The following EPG5 variants were observed in gnomAD, a reference collection of about 807,000 sequenced individuals.
EPG5 encodes ectopic P-granules 5 autophagy tethering factor, also known as ectopic P granules protein 5 homolog.
A neutral mutation model predicts 302.7 loss-of-function variants in EPG5; 159 were observed. The ratio of observed to expected loss-of-function variants is 0.53; its 90% confidence interval spans 0.46 to 0.60. The LOEUF is 0.60. Among genes scored for constraint, EPG5 ranks in the 20% least tolerant of loss-of-function variants. The probability of loss-of-function intolerance (pLI) is 0.00; values close to 1 mark genes in which losing one functional copy is unlikely to be tolerated. For synonymous variants in EPG5, 1,158 were observed against 1,136.8 expected (o/e 1.02, Z -0.37); for missense variants, 2,896 against 3,092.4 (o/e 0.94, Z 1.51).
chr18:45,942,473 C>T (rs1040820481), intron 9 of EPG5, among the ~76,000 whole-genome samples: 1 of 151,738 alleles, frequency 6.6e-6, no homozygotes, highest in African/African-American at 2.4e-5. Flanking sequence ...TGTGGTGGTG[C>T]GCACCTGTAA....
chr18:45,949,697 CA>C (rs1314307957), intron 4 of EPG5, 106 bp from the exon 5 acceptor site: 1 of 635,398 alleles, frequency 1.6e-6, no homozygotes, highest in Non-Finnish European at 2.7e-6. Flanking sequence ...TGCAATCTTT[CA>C]AAAGAGTAAC....
chr18:45,857,073 C>A (rs2145185350), intron 42 of EPG5, among the ~76,000 whole-genome samples: 1 of 152,014 alleles, frequency 6.6e-6, no homozygotes, highest in African/African-American at 2.4e-5. Context: ...TGCTTGCCAC[C>A]ACACCCAGCT....
At chr18:45,847,042 T>C (rs2145107950), downstream of EPG5, among the ~76,000 whole-genome samples, 1 of 152,272 alleles carries the variant, frequency 6.6e-6, no homozygotes, top group African/African-American at 2.4e-5. Context: ...TGTGGTTCCA[T>C]CTGGTTTAAA....
Position 45,925,751 on chromosome 18 carries a change from C to A in EPG5, c.2705G>T (p.Gly902Val), listed in dbSNP as rs755444122. 1 of 1,549,934 alleles carries A rather than the reference C, an allele frequency of 6.5e-7. No homozygotes were observed. Among genetic ancestry groups the A allele is most frequent in the South Asian group, 1.3e-5 (1 of 79,436 alleles). Residue 902 changes from glycine (G) to valine (V), a missense_variant, in exon 14 of 44, where the codon GGA becomes GTA. Transcript: ENST00000282041. ...ACVILEGLNW[G>V]FAKQATLHLD... Reference sequence around the variant, plus strand: ...TTGAACACATACCTGTTTAGCAAATCCCCAATTCAGTCCTTCAAGAATAAC... The same window carrying A: ...TTGAACACATACCTGTTTAGCAAATACCCAATTCAGTCCTTCAAGAATAAC...
intron 43 of EPG5, 23 bp from the exon 44 acceptor site, chr18:45,852,672 G>A (rs539428139): frequency 4.4e-6 from 7 of 1,607,126 alleles, no homozygotes; most frequent in Non-Finnish European, 6.0e-6. Flanking sequence ...GAAGATGAGA[G>A]GGTTAACTCC....
chr18:45,965,432 T>A (rs1272198340), intron 1 of EPG5, among the ~76,000 whole-genome samples: 1 of 152,140 alleles, frequency 6.6e-6, no homozygotes, highest in Admixed American at 6.5e-5. Flanking sequence ...CCTCCACTTG[T>A]ACCCTCTAAA....
chr18:45,877,290 G>A (rs1032926205), intron 34 of EPG5, among the ~76,000 whole-genome samples: 2 of 152,096 alleles, frequency 1.3e-5, no homozygotes, highest in African/African-American at 4.8e-5. Context: ...GTGGTAGCAT[G>A]CATTTGTAAT....
chr18:45,890,434 A>G (rs1333490158), intron 27 of EPG5, among the ~76,000 whole-genome samples: 1 of 152,240 alleles, frequency 6.6e-6, no homozygotes, highest in Non-Finnish European at 1.5e-5. Context: ...ATATGGGGAA[A>G]TGCCCAAACC....
chr18:45,950,556 C>T (rs1454589504), intron 4 of EPG5, among the ~76,000 whole-genome samples: 1 of 152,208 alleles, frequency 6.6e-6, no homozygotes, highest in Non-Finnish European at 1.5e-5. Flanking sequence ...GTAAGTCAAA[C>T]TAAACCTCCT....
intron 42 of EPG5, among the ~76,000 whole-genome samples, chr18:45,857,079 C>T (rs2048530907): frequency 1.3e-5 from 2 of 151,574 alleles, no homozygotes; most frequent in South Asian, 4.2e-4. Flanking sequence ...CCACCACACC[C>T]AGCTAATTTT....
At chr18:45,855,431 G>A (rs1198159524) in intron 43 of EPG5, 142 bp downstream of exon 43, 14 of 586,262 alleles carry the variant, frequency 2.4e-5, no homozygotes, top group East Asian at 1.4e-4. Flanking sequence ...CCATTTTCCC[G>A]TAAGTAGGGC....
intron 14 of EPG5, among the ~76,000 whole-genome samples, chr18:45,924,409 G>A (rs2050224992): frequency 6.6e-6 from 1 of 152,188 alleles, no homozygotes; most frequent in African/African-American, 2.4e-5. Context: ...AGTCCCAAGT[G>A]GTCAAGGACA....
At chr18:45,847,064 C>T (rs1312416378), downstream of EPG5, among the ~76,000 whole-genome samples, 1 of 152,192 alleles carries the variant, frequency 6.6e-6, no homozygotes, top group African/African-American at 2.4e-5. Context: ...AGCTGCCAAG[C>T]TTAGACAAGG....
chr18:45,825,665 G>A, the EPG5 span: 6,635 of 1,579,528 alleles, frequency 4.2e-3, 36 homozygotes, highest in Middle Eastern at 0.019. Flanking sequence ...CCACGCCTGG[G>A]AGGGCCCTCA....
rs1486898794 is a variant in EPG5 at position 45,884,612 on chromosome 18, C to T, written c.5304+5G>A. 3 of 1,595,576 alleles carry T rather than the reference C, an allele frequency of 1.9e-6. No homozygotes were observed. The highest frequency in any genetic ancestry group is 2.6e-6 in the Non-Finnish European group (3 of 1,173,814). On this transcript the variant is annotated splice_donor_5th_base_variant and intron_variant, in intron 30 of 43. Transcript: ENST00000282041. ...CAATATGGTGAGGATGGAATTACAT[C>T]TTACCTTGGTTAGCAGCATGAAAAT...
chr18:45,804,538 A>T, the EPG5 span, among the ~76,000 whole-genome samples: 1 of 152,362 alleles, frequency 6.6e-6, no homozygotes, highest in East Asian at 1.9e-4. Flanking sequence ...CACATTACAC[A>T]GAGGAGAATA....
At chr18:45,929,630 A>C (rs1178319667) in intron 12 of EPG5, among the ~76,000 whole-genome samples, 1 of 152,228 alleles carries the variant, frequency 6.6e-6, no homozygotes, top group Non-Finnish European at 1.5e-5. Flanking sequence ...TGTAATTTTT[A>C]TTGTGACTCC....
At chr18:45,885,714 A>G (rs1259931038) in intron 29 of EPG5, among the ~76,000 whole-genome samples, 1 of 152,232 alleles carries the variant, frequency 6.6e-6, no homozygotes, top group Non-Finnish European at 1.5e-5. Context: ...GCTTGAATAT[A>G]TTAAAATTTT....
At chr18:45,936,498 C>T (rs922034838) in intron 10 of EPG5, among the ~76,000 whole-genome samples, 1 of 152,004 alleles carries the variant, frequency 6.6e-6, no homozygotes. Flanking sequence ...GAGGCTGAGG[C>T]GGGCAAATCA....
Sources: gnomAD v4.1 joint callset for allele counts (sites outside exome capture counted in the v4.1 genomes callset) on GRCh38, gnomAD v4.1.1 for gene constraint, MANE v1.5 for transcripts, NCBI Gene and HGNC (gene_info 2026-07-23, HGNC 2026-07-21) for gene names.